SPPL2C: variants seen among roughly 807,000 people sequenced by gnomAD.
SPPL2C encodes signal peptide peptidase-like 2C.
A neutral mutation model predicts 38.8 loss-of-function variants in SPPL2C; 33 were observed. The ratio of observed to expected loss-of-function variants is 0.85; its 90% CI spans 0.64 to 1.14. The LOEUF is 1.14. Ranked by LOEUF, SPPL2C falls within the 50% of genes most tolerant of loss-of-function variation. The pLI is 0.00. For missense variants in SPPL2C, 899 were observed against 904.4 expected, an observed-to-expected ratio of 0.99 and a Z score of 0.08; for synonymous variants, 384 against 390.7, an observed-to-expected ratio of 0.98 and a Z score of 0.20.
rs748508622 is a variant in SPPL2C, at chr17:45,846,648, C to T, written c.1742C>T (p.Thr581Ile). 12 of 1,614,254 alleles carry T rather than the reference C, an allele frequency of 7.4e-6. No homozygotes were observed. Among genetic ancestry groups the T allele is most frequent in the South Asian group, 6.6e-5 (6 of 91,090 alleles). Reference protein sequence around the residue: ...DLDSNPGEDTTEIVTISENEA... With the variant: ...DLDSNPGEDTIEIVTISENEA... ...GACAGCAACCCTGGAGAAGACACCA[C>T]TGAGATTGTCACCATATCTGAGAAT... Residue 581 changes from threonine to isoleucine, a missense_variant, in exon 1 of 1, where the codon ACT becomes ATT. Coordinates refer to ENST00000329196, the MANE Select transcript of SPPL2C (RefSeq NM_175882.3).
In SPPL2C at chr17:45,845,972, G is replaced by A; in HGVS notation, c.1066G>A (p.Gly356Ser). The change falls in exon 1 of 1, where the codon GGC (glycine) becomes AGC (serine). Residue 356 changes from glycine (G) to serine (S), a missense_variant. Gly to Ser is a moderately conservative substitution (Grantham distance 56). Coordinates refer to ENST00000329196, the MANE Select transcript of SPPL2C (RefSeq NM_175882.3). ...RWAWLLQDTL[G>S]ISYCLFVLHR... ...GGCGTGGCTCCTGCAGGACACACTG[G>A]GCATTTCCTACTGCCTGTTCGTCCT... 6.2e-7 allele frequency: 1 copy of A among 1,612,116 alleles called. No homozygotes were observed. The highest frequency in any genetic ancestry group is 8.5e-7 in the Non-Finnish European group (1 of 1,180,016).
In SPPL2C at chr17:45,845,994, T is replaced by A. The variant is rs1331877282; in HGVS notation, c.1088T>A (p.Val363Asp). The change falls in exon 1 of 1, where the codon GTC becomes GAC. Residue 363 changes from valine (V) to aspartate (D), a missense_variant. Coordinates refer to ENST00000329196, the MANE Select transcript of SPPL2C (RefSeq NM_175882.3). The stretch of plus-strand genomic sequence containing the variant: ...CTGGGCATTTCCTACTGCCTGTTCG[T>A]CCTGCACCGTGTGCGGCTGCCCACT... ...DTLGISYCLFVLHRVRLPTLK... is the reference protein window; with the variant it reads ...DTLGISYCLFDLHRVRLPTLK... 1.2e-6 allele frequency: 2 copies of A among 1,613,310 alleles called. No individual in the cohort carries two copies. The highest frequency in any genetic ancestry group is 2.7e-5 in the African/African-American group (2 of 74,946).
In SPPL2C at chr17:45,846,172, G is replaced by T. The variant is rs763552291; in HGVS notation, c.1266G>T (p.Met422Ile). The change falls in exon 1 of 1, where the codon ATG (methionine) becomes ATT (isoleucine). Residue 422 changes from methionine to isoleucine, a missense_variant. Coordinates refer to ENST00000329196, the MANE Select transcript of SPPL2C (RefSeq NM_175882.3). ...CTTCAAGCCATGAGAGGCTGCCCATGGTACTCAAAGTGCCCCGGCTAAGAG... is the reference window on the plus strand; with the variant it reads ...CTTCAAGCCATGAGAGGCTGCCCATTGTACTCAAAGTGCCCCGGCTAAGAG... ...AESSSHERLP[M>I]VLKVPRLRVS... 3.0e-5 allele frequency: 49 copies of T among 1,614,086 alleles called. 1 individual carries two copies. Among genetic ancestry groups the T allele is most frequent in the African/African-American group, 4.0e-5 (3 of 74,926 alleles).
Position 45,844,939 on chromosome 17 carries a change from C to A in SPPL2C, c.33C>A (p.Gly11=), listed in dbSNP as rs2062520880. ...GCCTGGGCTTCCTCCTCCCCGTGGG[C>A]TTCCTCCTCCTCATCAGCACCGTGG... MACLGFLLPV[G]FLLLISTVAG... Residue 11 remains glycine (G), a synonymous_variant, in exon 1 of 1, where the codon GGC becomes GGA. Coordinates refer to ENST00000329196, the MANE Select transcript of SPPL2C (RefSeq NM_175882.3). The A allele has an allele frequency of 6.2e-7, 1 of 1,611,262 alleles. No individual in the cohort carries two copies. Among genetic ancestry groups the A allele is most frequent in the Admixed American group, 1.7e-5 (1 of 59,906 alleles).
rs373857259 is a variant in SPPL2C, at chr17:45,845,807, G to T, written c.901G>T (p.Val301Leu). The T allele has an allele frequency of 6.2e-7, 1 of 1,609,224 alleles. No homozygotes were observed. Among genetic ancestry groups the T allele is most frequent in the African/African-American group, 1.3e-5 (1 of 75,052 alleles). The change falls in exon 1 of 1, where the codon GTG becomes TTG. Residue 301 changes from valine (V) to leucine (L), a missense_variant. Physicochemically the swap from Val to Leu is conservative, Grantham distance 32. Transcript: ENST00000329196. ...IGLYSCLSPL[V>L]CRLSLRQYQR... ...CCTCTACAGCTGCCTGTCACCCCTG[G>T]TGTGCCGCCTGTCCCTGCGGCAATA...
At position 45,846,998 on chromosome 17, in the gene SPPL2C, G is replaced by C; in HGVS notation, c.*37G>C. ...TGGGACACACGCCTCTCAAAGGGCT[G>C]GTGGAACATTGCAGAGCAAAGCCAT... On this transcript the variant is annotated 3_prime_UTR_variant, in exon 1 of 1. Coordinates refer to ENST00000329196, the MANE Select transcript of SPPL2C (RefSeq NM_175882.3). The C allele has an allele frequency of 6.6e-7, 1 of 1,509,136 alleles. No homozygotes were observed. 93.5% of individuals were successfully genotyped at this position (1,509,136 alleles called of 1,614,324 possible). A position where few individuals can be genotyped will look rare whatever the true frequency, so the allele number is the denominator to read the frequency against.
At position 45,845,257 on chromosome 17, in the gene SPPL2C, G is replaced by T; in HGVS notation, c.351G>T (p.Gly117=). The change falls in exon 1 of 1, where the codon GGG becomes GGT. Residue 117 remains glycine, a synonymous_variant. Coordinates refer to ENST00000329196, the MANE Select transcript of SPPL2C (RefSeq NM_175882.3). The part of the protein sequence containing the change: ...GWLAQGQGAH[G]LLIVSRVSDQ... ...TGGCTCAGGGCCAAGGTGCCCACGGGCTGCTCATCGTGAGCCGGGTCAGTG... is the reference window on the plus strand; with the variant it reads ...TGGCTCAGGGCCAAGGTGCCCACGGTCTGCTCATCGTGAGCCGGGTCAGTG... 6.2e-7 allele frequency: 1 copy of T among 1,613,804 alleles called. No homozygotes were observed. The highest frequency in any genetic ancestry group is 1.1e-5 in the South Asian group (1 of 91,070).
In SPPL2C at chr17:45,845,567, G is replaced by A; in HGVS notation, c.661G>A (p.Gly221Arg). The change falls in exon 1 of 1, where the codon GGA becomes AGA. Residue 221 changes from glycine (G) to arginine (R), a missense_variant. Coordinates refer to ENST00000329196, the MANE Select transcript of SPPL2C (RefSeq NM_175882.3). Reference sequence around the variant, plus strand: ...GCTACAGCGGCGCCGTGCCCGAAGAGGAGGGGGGTCTGGTGGTCACCATCA... The same window carrying A: ...GCTACAGCGGCGCCGTGCCCGAAGAAGAGGGGGGTCTGGTGGTCACCATCA... ...NRLQRRRARR[G>R]GGSGGHHQLQ... 6.2e-7 allele frequency: 1 copy of A among 1,604,518 alleles called. No individual in the cohort carries two copies. The highest frequency in any genetic ancestry group is 8.5e-7 in the Non-Finnish European group (1 of 1,175,716).
In SPPL2C at chr17:45,846,178, C is replaced by G. The variant is rs761039128; in HGVS notation, c.1272C>G (p.Leu424=). 1.9e-6 allele frequency: 3 copies of G among 1,614,260 alleles called. No homozygotes were observed. In the South Asian group the frequency reaches 3.3e-5, roughly 18 times the overall value. Reference sequence around the variant, plus strand: ...GCCATGAGAGGCTGCCCATGGTACTCAAAGTGCCCCGGCTAAGAGTCTCCG... The same window carrying G: ...GCCATGAGAGGCTGCCCATGGTACTGAAAGTGCCCCGGCTAAGAGTCTCCG... ...SSSHERLPMV[L]KVPRLRVSAL... The change falls in exon 1 of 1, where the codon CTC becomes CTG. Residue 424 remains leucine, a synonymous_variant. Transcript: ENST00000329196.
rs267604919 is a variant in SPPL2C at position 45,846,322 on chromosome 17, C to T, written c.1416C>T (p.Tyr472=). 1 of 1,614,152 alleles carries T rather than the reference C, an allele frequency of 6.2e-7. No homozygotes were observed. The highest frequency in any genetic ancestry group is 8.5e-7 in the Non-Finnish European group (1 of 1,180,038). Residue 472 remains tyrosine (Y), a synonymous_variant, in exon 1 of 1, where the codon TAC becomes TAT. Coordinates refer to ENST00000329196, the MANE Select transcript of SPPL2C (RefSeq NM_175882.3). ...TGCAAGTCTGCTCCCGTCAGATCTA[C>T]TTCGTGGCCTGCACCGTGGCCTATG... The part of the protein sequence containing the change: ...FDVQVCSRQI[Y]FVACTVAYAV...
At position 45,845,420 on chromosome 17, in the gene SPPL2C, C is replaced by G. The variant is rs141933204; in HGVS notation, c.514C>G (p.Arg172Gly). Reference sequence around the variant, plus strand: ...CCACACTCGTGGGGAGGCCGTCGTCCGCGTGGCCATGTACGCACCCCCAGA... The same window carrying G: ...CCACACTCGTGGGGAGGCCGTCGTCGGCGTGGCCATGTACGCACCCCCAGA... ...LSHTRGEAVV[R>G]VAMYAPPEPI... is the part of the protein sequence containing the mutation. Residue 172 changes from arginine to glycine, a missense_variant, in exon 1 of 1, where the codon CGC becomes GGC. Physicochemically the swap from Arg to Gly is moderately radical, Grantham distance 125 (BLOSUM62 -2). Transcript: ENST00000329196. 389 of 1,612,852 alleles carry G rather than the reference C, an allele frequency of 2.4e-4. No individual in the cohort carries two copies. Among genetic ancestry groups the G allele is most frequent in the Non-Finnish European group, 3.1e-4 (368 of 1,180,028 alleles).
chr17:45,845,557 T>C lies in SPPL2C; in HGVS notation c.651T>C (p.Arg217=), dbSNP rs75343640. 1.4e-4 allele frequency: 227 copies of C among 1,602,138 alleles called. No individual in the cohort carries two copies. In the African/African-American group the frequency reaches 2.7e-3, roughly 19 times the overall value. Residue 217 remains arginine (R), a synonymous_variant, in exon 1 of 1, where the codon CGT becomes CGC. Transcript: ENST00000329196. The part of the protein sequence containing the change: ...LTEANRLQRR[R]ARRGGGSGGH... ...AAGCCAACCGGCTACAGCGGCGCCG[T>C]GCCCGAAGAGGAGGGGGGTCTGGTG...
Position 45,845,577 on chromosome 17 carries a change from C to G in SPPL2C, c.671C>G (p.Ser224Cys). 5 of 1,606,176 alleles carry G rather than the reference C, an allele frequency of 3.1e-6. No individual in the cohort carries two copies. The highest frequency in any genetic ancestry group is 4.3e-6 in the Non-Finnish European group (5 of 1,176,420). Residue 224 changes from serine to cysteine, a missense_variant, in exon 1 of 1, where the codon TCT becomes TGT. By Grantham distance (112) the Ser-to-Cys change is moderately radical (BLOSUM62 -1). Transcript: ENST00000329196. ...CGCCGTGCCCGAAGAGGAGGGGGGT[C>G]TGGTGGTCACCATCAGCTGCAGGAA... ...QRRRARRGGG[S>C]GGHHQLQEAA...
chr17:45,845,957 CT>C lies in SPPL2C; in HGVS notation c.1052del (p.Leu351ArgfsTer79). On this transcript the variant is annotated frameshift_variant, in exon 1 of 1. Transcript: ENST00000329196. LOFTEE classifies it high-confidence loss of function. The stretch of plus-strand genomic sequence containing the variant: ...CAATGAGGACCGCTGGGCGTGGCTC[CT>C]GCAGGACACACTGGGCATTTCCTAC... ...YRNEDRWAWL[L>X]QDTLGISYCL... is the part of the protein sequence containing the mutation. 1 of 1,611,170 alleles carries C rather than the reference CT, an allele frequency of 6.2e-7. No individual in the cohort carries two copies. The highest frequency in any genetic ancestry group is 1.7e-5 in the Admixed American group (1 of 60,028).
In SPPL2C at chr17:45,845,596, G is replaced by A. The variant is rs774523527; in HGVS notation, c.690G>A (p.Leu230=). The A allele has an allele frequency of 1.9e-6, 3 of 1,609,032 alleles. No individual in the cohort carries two copies. Among genetic ancestry groups the A allele is most frequent in the Non-Finnish European group, 2.5e-6 (3 of 1,177,906 alleles). Residue 230 remains leucine (L), a synonymous_variant, in exon 1 of 1, where the codon CTG becomes CTA. Transcript: ENST00000329196. ...GGGGGTCTGGTGGTCACCATCAGCT[G>A]CAGGAAGCTGCAGCAGCTGAGGGAG... The part of the protein sequence containing the change: ...RGGGSGGHHQ[L]QEAAAAEGAQ...
Position 45,846,710 on chromosome 17 carries a change from G to T in SPPL2C, c.1804G>T (p.Glu602Ter). 6.2e-7 allele frequency: 1 copy of T among 1,614,188 alleles called. No individual in the cohort carries two copies. The highest frequency in any genetic ancestry group is 1.7e-5 in the Admixed American group (1 of 60,030). The change falls in exon 1 of 1, where the codon GAG becomes TAG. Residue 602 changes from glutamate to a stop codon, truncating the protein, a stop_gained. Transcript: ENST00000329196. LOFTEE classifies it high-confidence loss of function. ...TCCAGAGGACCGCAGTGATAGCTCC[G>T]AGGGCTGGAGTGACGCCCACTTGGA... is the stretch of plus-strand genomic sequence containing the variant. The part of the protein sequence containing the change: ...TNPEDRSDSS[E>*]GWSDAHLDPN...
In SPPL2C at chr17:45,845,078, C is replaced by G. The variant is rs748745269; in HGVS notation, c.172C>G (p.Leu58Val). ...TLPRDLHHAP[L>V]LPLYDGTKAP... ...CCCCCGGGACCTGCACCACGCCCCA[C>G]TCCTGCCCCTGTATGATGGCACCAA... The change falls in exon 1 of 1, where the codon CTC becomes GTC. Residue 58 changes from leucine (L) to valine (V), a missense_variant. Transcript: ENST00000329196. 6.8e-6 allele frequency: 11 copies of G among 1,613,862 alleles called. No homozygotes were observed. Among genetic ancestry groups the G allele is most frequent in the Admixed American group, 3.3e-5 (2 of 60,004 alleles).
Position 45,846,834 on chromosome 17 carries a change from C to T in SPPL2C, c.1928C>T (p.Pro643Leu), listed in dbSNP as rs12373142. 7.4e-6 allele frequency: 12 copies of T among 1,613,724 alleles called. No homozygotes were observed. Among genetic ancestry groups the T allele is most frequent in the East Asian group, 2.2e-5 (1 of 44,878 alleles). Reference sequence around the variant, plus strand: ...ATCCCACTCATGCCCCTGATGCCCCCGCCCTCAGAGCTGGGCCATGTCCAT... The same window carrying T: ...ATCCCACTCATGCCCCTGATGCCCCTGCCCTCAGAGCTGGGCCATGTCCAT... ...MLIPLMPLMP[P>L]PSELGHVHAQ... The change falls in exon 1 of 1, where the codon CCG becomes CTG. Residue 643 changes from proline (P) to leucine (L), a missense_variant. Coordinates refer to ENST00000329196, the MANE Select transcript of SPPL2C (RefSeq NM_175882.3).
At position 45,844,966 on chromosome 17, in the gene SPPL2C, C is replaced by G. The variant is rs768109296; in HGVS notation, c.60C>G (p.Ala20=). The change falls in exon 1 of 1, where the codon GCC becomes GCG. Residue 20 remains alanine (A), a synonymous_variant. Coordinates refer to ENST00000329196, the MANE Select transcript of SPPL2C (RefSeq NM_175882.3). ...VGFLLLISTV[A]GGKYGVAHVV... is the part of the protein sequence containing the mutation. ...TCCTCCTCCTCATCAGCACCGTGGCCGGGGGAAAGTACGGCGTGGCCCACG... is the reference window on the plus strand; with the variant it reads ...TCCTCCTCCTCATCAGCACCGTGGCGGGGGGAAAGTACGGCGTGGCCCACG... The G allele has an allele frequency of 1.2e-6, 2 of 1,614,008 alleles. No homozygotes were observed. Among genetic ancestry groups the G allele is most frequent in the Non-Finnish European group, 1.7e-6 (2 of 1,179,888 alleles).
Sources: gnomAD v4.1 joint callset for allele counts on GRCh38, gnomAD v4.1.1 for gene constraint, MANE v1.5 for transcripts, NCBI Gene and HGNC (gene_info 2026-07-23, HGNC 2026-07-21) for gene names.